ODAD2: variants seen among roughly 807,000 people sequenced by gnomAD.
ODAD2 encodes the protein outer dynein arm docking complex subunit 2, also known as outer dynein arm-docking complex subunit 2.
Under a neutral mutation model 106.8 loss-of-function variants are expected in ODAD2, and 89 were observed. The ratio of observed to expected loss-of-function variants is 0.83; its 90% confidence interval spans 0.70 to 0.99. ODAD2 has a LOEUF of 0.99. Ranked by LOEUF, ODAD2 falls within the 50% of genes least tolerant of loss-of-function variation. The probability of loss-of-function intolerance (pLI) is 0.00; values close to 1 mark genes in which losing one functional copy is unlikely to be tolerated. For synonymous variants in ODAD2, 404 were observed against 436.2 expected, an observed-to-expected ratio of 0.93 and a Z score of 0.92; for missense variants, 1,168 against 1,238.5, an observed-to-expected ratio of 0.94 and a Z score of 0.85.
chr10:27,969,460 C>G (rs1244474681), intron 8 of ODAD2, among the ~76,000 whole-genome samples: 1 of 152,298 alleles, frequency 6.6e-6, no homozygotes, highest in Non-Finnish European at 1.5e-5. Context: ...GAATCTCATG[C>G]TTGAAAGAGT....
At chr10:27,963,170 G>T (rs1848256499) in intron 9 of ODAD2, among the ~76,000 whole-genome samples, 1 of 151,916 alleles carries the variant, frequency 6.6e-6, no homozygotes, top group Non-Finnish European at 1.5e-5. Context: ...ACCACATCTG[G>T]CTAATTTTTG....
rs375622560 is a variant in ODAD2, at chr10:27,812,552, C to T, written c.3095G>A (p.Arg1032His). ...CTTCTCTGTAGCAAGAGCCAGCCTG[C>T]GGATATTGGATATACAACCAGCTGC... ...EAAAGCISNI[R>H]RLALATEKAR... Residue 1032 changes from arginine (R) to histidine (H), a missense_variant, in exon 20 of 20, where the codon CGC becomes CAC. By Grantham distance (29) the Arg-to-His change is conservative. Coordinates refer to ENST00000305242, the MANE Select transcript of ODAD2 (RefSeq NM_018076.5). 222 of 1,612,940 alleles carry T rather than the reference C, an allele frequency of 1.4e-4. No individual in the cohort carries two copies. Among genetic ancestry groups the T allele is most frequent in the Non-Finnish European group, 1.7e-4 (205 of 1,179,790 alleles).
chr10:27,909,879 A>C (rs1843879129), intron 16 of ODAD2, among the ~76,000 whole-genome samples: 1 of 151,710 alleles, frequency 6.6e-6, no homozygotes, highest in African/African-American at 2.4e-5. Context: ...TTCCTATGAC[A>C]AGAACATGAT....
At position 27,812,565 on chromosome 10, in the gene ODAD2, T is replaced by G. The variant is rs747861861; in HGVS notation, c.3082A>C (p.Ile1028Leu). The change falls in exon 20 of 20, where the codon ATA (isoleucine) becomes CTA (leucine). Residue 1028 changes from isoleucine (I) to leucine (L), a missense_variant. Transcript: ENST00000305242. ...AGAGCCAGCCTGCGGATATTGGATA[T>G]ACAACCAGCTGCAGCTTCCTGGAGA... Reference protein sequence around the residue: ...QDLQEAAAGCISNIRRLALAT... With the variant: ...QDLQEAAAGCLSNIRRLALAT... 1 of 1,613,294 alleles carries G rather than the reference T, an allele frequency of 6.2e-7. No homozygotes were observed.
In ODAD2 at chr10:27,961,620, G is replaced by A. The variant is rs772722812; in HGVS notation, c.1334C>T (p.Ala445Val). ...TTGCCAATATTCTGATGGCAAATCT[G>A]CACTTGCTTCCTGACGATGGTCAGG... ...EPPDHRQEAS[A>V]DLPSEYWQIQ... Residue 445 changes from alanine to valine, a missense_variant, in exon 10 of 20, where the codon GCA becomes GTA. Coordinates refer to ENST00000305242, the MANE Select transcript of ODAD2 (RefSeq NM_018076.5). 6.2e-7 allele frequency: 1 copy of A among 1,611,696 alleles called. No individual in the cohort carries two copies. Among genetic ancestry groups the A allele is most frequent in the Non-Finnish European group, 8.5e-7 (1 of 1,178,364 alleles).
At chr10:27,848,750 C>G (rs1270383726) in intron 19 of ODAD2, among the ~76,000 whole-genome samples, 2 of 152,172 alleles carry the variant, frequency 1.3e-5, no homozygotes, top group Non-Finnish European at 2.9e-5. Flanking sequence ...AGGATATGAA[C>G]AGACACTTCT....
intron 14 of ODAD2, among the ~76,000 whole-genome samples, chr10:27,939,641 G>A (rs1035709785): frequency 2.0e-5 from 3 of 152,084 alleles, no homozygotes; most frequent in African/African-American, 7.2e-5. Flanking sequence ...GGGAGGCAGA[G>A]ATGGGAGGAT....
intron 8 of ODAD2, among the ~76,000 whole-genome samples, chr10:27,970,507 CA>C (rs1203507524): frequency 6.6e-6 from 1 of 152,196 alleles, no homozygotes; most frequent in Non-Finnish European, 1.5e-5. Flanking sequence ...TGTCCTGACT[CA>C]CCAACTATAT....
rs1846773758 is a variant in ODAD2, at chr10:27,944,909, G to A, written c.1440C>T (p.Ser480=). The stretch of plus-strand genomic sequence containing the variant: ...CCAACTGGCAGGTTTCTTGAGCTAA[G>A]CTGAAATCCCTCATTGAACACAACG... The part of the protein sequence containing the change: ...VIALCSMRDF[S]LAQETCQLAI... The change falls in exon 11 of 20, where the codon AGC becomes AGT. Residue 480 remains serine (S), a synonymous_variant. Coordinates refer to ENST00000305242, the MANE Select transcript of ODAD2 (RefSeq NM_018076.5). 5 of 1,614,144 alleles carry A rather than the reference G, an allele frequency of 3.1e-6. No homozygotes were observed. In the East Asian group the frequency reaches 1.1e-4, roughly 36 times the overall value.
Position 27,995,018 on chromosome 10 carries a change from A to G in ODAD2, c.125T>C (p.Ile42Thr). 6.2e-7 allele frequency: 1 copy of G among 1,614,216 alleles called. No homozygotes were observed. Among genetic ancestry groups the G allele is most frequent in the South Asian group, 1.1e-5 (1 of 91,078 alleles). ...KEIIVFVESF[I>T]YKHPQEAKFV... The stretch of plus-strand genomic sequence containing the variant: ...TTTTGCCTCTTGAGGATGTTTATAG[A>G]TAAAACTCTCCACAAACACAATAAT... The change falls in exon 2 of 20, where the codon ATC becomes ACC. Residue 42 changes from isoleucine (I) to threonine (T), a missense_variant. Ile to Thr is a moderately conservative substitution (Grantham distance 89). This residue lies in a region of ODAD2 where 430 missense variants were observed against 452.2 expected (regional missense o/e 0.95). Transcript: ENST00000305242.
At chr10:27,898,221 A>G (rs1842977031) in intron 17 of ODAD2, among the ~76,000 whole-genome samples, 1 of 152,126 alleles carries the variant, frequency 6.6e-6, no homozygotes, top group African/African-American at 2.4e-5. Flanking sequence ...AGGAAAGGGA[A>G]AGGACTTTAG....
chr10:27,866,659 G>A (rs1345916165), intron 17 of ODAD2, among the ~76,000 whole-genome samples: 4 of 152,198 alleles, frequency 2.6e-5, no homozygotes, highest in African/African-American at 9.6e-5. Context: ...ATGGTAGAAG[G>A]TGAAAGGAAG....
intron 19 of ODAD2, among the ~76,000 whole-genome samples, chr10:27,852,493 T>C (rs1839332592): frequency 6.6e-6 from 1 of 152,202 alleles, no homozygotes; most frequent in Admixed American, 6.5e-5. Flanking sequence ...ATACATATGC[T>C]ATGAACTCTA....
At chr10:27,985,769 C>A (rs756830869) in intron 3 of ODAD2, among the ~76,000 whole-genome samples, 2 of 150,492 alleles carry the variant, frequency 1.3e-5, no homozygotes, top group Admixed American at 6.6e-5. Context: ...GCACATCTAG[C>A]CATATACATA....
chr10:27,898,604 C>G (rs1842994756), intron 17 of ODAD2, among the ~76,000 whole-genome samples: 1 of 152,042 alleles, frequency 6.6e-6, no homozygotes, highest in Non-Finnish European at 1.5e-5. Context: ...ATCAATCTTT[C>G]CCCAGTTGGC....
intron 10 of ODAD2, among the ~76,000 whole-genome samples, chr10:27,953,557 A>G (rs2132733892): frequency 6.6e-6 from 1 of 152,308 alleles, no homozygotes; most frequent in Non-Finnish European, 1.5e-5. Flanking sequence ...GTTATCAATA[A>G]GGCAATTGTT....
In ODAD2 at chr10:27,971,258, G is replaced by T; in HGVS notation, c.992C>A (p.Pro331His). Residue 331 changes from proline to histidine, a missense_variant, in exon 8 of 20, where the codon CCC becomes CAC. Transcript: ENST00000305242. ...QKEKDQLGKA[P>H]KKEEAAALRK... is the part of the protein sequence containing the mutation. ...GAGGGCAGCTGCTTCTTCCTTCTTGGGGGCTTTGCCAAGCTGATCCTTTTC... is the reference window on the plus strand; with the variant it reads ...GAGGGCAGCTGCTTCTTCCTTCTTGTGGGCTTTGCCAAGCTGATCCTTTTC... The T allele has an allele frequency of 6.2e-7, 1 of 1,613,376 alleles. No individual in the cohort carries two copies. The highest frequency in any genetic ancestry group is 2.2e-5 in the East Asian group (1 of 44,826).
At chr10:27,833,620 G>T (rs1056970283) in intron 19 of ODAD2, among the ~76,000 whole-genome samples, 1 of 152,116 alleles carries the variant, frequency 6.6e-6, no homozygotes, top group African/African-American at 2.4e-5. Flanking sequence ...GGATATTATG[G>T]TTATGTGTGG....
chr10:27,976,313 TAAG>T (rs770937518), intron 7 of ODAD2, among the ~76,000 whole-genome samples: 83 of 151,926 alleles, frequency 5.5e-4, no homozygotes, highest in Non-Finnish European at 1.0e-3. Context: ...AAGGAAGAAA[TAAG>T]AAAATGATCT....
Sources: gnomAD v4.1 joint callset for allele counts (sites outside exome capture counted in the v4.1 genomes callset) on GRCh38, gnomAD v4.1.1 for gene constraint, gnomAD v4.1.1 regional missense constraint, MANE v1.5 for transcripts, NCBI Gene and HGNC (gene_info 2026-07-23, HGNC 2026-07-21) for gene names.